Variants in P2RY14 observed in about 807,000 individuals in gnomAD.
The protein encoded by P2RY14 is purinergic receptor P2Y14.
P2RY14 carries 2 observed loss-of-function variants against 0.9 expected under a neutral mutation model. The ratio of observed to expected loss-of-function variants is 2.16; its 90% CI spans 0.88 to 6.79. The LOEUF (loss-of-function observed/expected upper bound fraction) is 6.79. P2RY14 is among the 30% of genes most tolerant of loss of function. The pLI is 0.05. For synonymous variants in P2RY14, 158 were observed against 147.2 expected (o/e 1.07, Z -0.53); for missense variants, 378 against 400.1 (o/e 0.94, Z 0.47).
At chr3:151,227,178 G>A (rs775198828) in intron 1 of P2RY14, among the ~76,000 whole-genome samples, 1 of 152,240 alleles carries the variant, frequency 6.6e-6, no homozygotes, top group Non-Finnish European at 1.5e-5. Context: ...GCTGAATGGT[G>A]TGGCCACATA....
intron 1 of P2RY14, among the ~76,000 whole-genome samples, chr3:151,250,944 G>A (rs1279246591): frequency 6.6e-6 from 1 of 152,174 alleles, no homozygotes; most frequent in East Asian, 1.9e-4. Flanking sequence ...CCATTTGTGT[G>A]TTGTGTTTGT....
At chr3:151,260,571 G>A (rs559104552) in intron 1 of P2RY14, among the ~76,000 whole-genome samples, 8 of 152,040 alleles carry the variant, frequency 5.3e-5, no homozygotes, top group East Asian at 3.9e-4. Context: ...GGTCGGTCTC[G>A]AACTTCTGAA....
At chr3:151,235,472 G>A (rs942274222) in intron 1 of P2RY14, among the ~76,000 whole-genome samples, 7 of 152,168 alleles carry the variant, frequency 4.6e-5, no homozygotes, top group African/African-American at 1.4e-4. Flanking sequence ...TTGGGAGGCT[G>A]AGGTGGGCAG....
intron 1 of P2RY14, among the ~76,000 whole-genome samples, chr3:151,252,249 T>G (rs1016334817): frequency 6.6e-6 from 1 of 152,204 alleles, no homozygotes; most frequent in Non-Finnish European, 1.5e-5. Context: ...CCTTCTGTAT[T>G]AAATACTGTG....
At chr3:151,256,517 C>T (rs1056157044) in intron 1 of P2RY14, among the ~76,000 whole-genome samples, 2 of 152,174 alleles carry the variant, frequency 1.3e-5, no homozygotes, top group African/African-American at 2.4e-5. Context: ...CATCTTTCTT[C>T]CCTCTTGTCA....
At chr3:151,252,427 G>A (rs566300513) in intron 1 of P2RY14, among the ~76,000 whole-genome samples, 1 of 151,962 alleles carries the variant, frequency 6.6e-6, no homozygotes, top group African/African-American at 2.4e-5. Flanking sequence ...ATTTTTAATT[G>A]TCTGCCAGTT....
intron 1 of P2RY14, among the ~76,000 whole-genome samples, chr3:151,276,418 T>G (rs2043947422): frequency 6.6e-6 from 1 of 152,244 alleles, no homozygotes; most frequent in African/African-American, 2.4e-5. Context: ...CTAGACAGCC[T>G]TCTGCAGGTG....
At chr3:151,262,424 T>C (rs891641198) in intron 1 of P2RY14, among the ~76,000 whole-genome samples, 1 of 152,200 alleles carries the variant, frequency 6.6e-6, no homozygotes, top group Admixed American at 6.5e-5. Flanking sequence ...GTGGTGAATG[T>C]AAACATGGTA....
At chr3:151,255,585 C>T (rs1393117739) in intron 1 of P2RY14, among the ~76,000 whole-genome samples, 1 of 152,094 alleles carries the variant, frequency 6.6e-6, no homozygotes, top group Non-Finnish European at 1.5e-5. Flanking sequence ...GCGATTTTTC[C>T]TGCAGCTTCC....
chr3:151,235,512 T>A (rs1408155630), intron 1 of P2RY14, among the ~76,000 whole-genome samples: 1 of 152,098 alleles, frequency 6.6e-6, no homozygotes, highest in East Asian at 1.9e-4. Flanking sequence ...GAGACCATCA[T>A]GGCTAACATG....
At chr3:151,254,659 G>A (rs1737488357) in intron 1 of P2RY14, among the ~76,000 whole-genome samples, 1 of 152,240 alleles carries the variant, frequency 6.6e-6, no homozygotes, top group Non-Finnish European at 1.5e-5. Flanking sequence ...TGAAGTCCAA[G>A]TGCATGTTTA....
At chr3:151,221,601 GGTGCAAGCCTCAAGC>G (rs1273181801) in intron 1 of P2RY14, among the ~76,000 whole-genome samples, 3 of 152,188 alleles carry the variant, frequency 2.0e-5, no homozygotes, top group Non-Finnish European at 4.4e-5. Flanking sequence ...GGCTTCAGAG[GGTGCAAGCCTCAAGC>G]CTTGGCAGCT....
At chr3:151,218,794 G>T (rs1337232486) in intron 2 of P2RY14, among the ~76,000 whole-genome samples, 1 of 146,302 alleles carries the variant, frequency 6.8e-6, no homozygotes, top group Non-Finnish European at 1.5e-5. Flanking sequence ...TTGAACCTGG[G>T]AGGCGGAGGT....
intron 1 of P2RY14, among the ~76,000 whole-genome samples, chr3:151,259,918 A>G (rs1738537556): frequency 6.6e-6 from 1 of 152,144 alleles, no homozygotes; most frequent in South Asian, 2.1e-4. Context: ...TAATCCTTGT[A>G]TTTTAATTCT....
At chr3:151,252,895 A>G (rs181328711) in intron 1 of P2RY14, among the ~76,000 whole-genome samples, 5 of 152,306 alleles carry the variant, frequency 3.3e-5, no homozygotes, top group African/African-American at 1.2e-4. Flanking sequence ...TTATTGATTT[A>G]AAGCAATGAC....
intron 2 of P2RY14, among the ~76,000 whole-genome samples, chr3:151,218,331 A>C (rs1728632762): frequency 6.6e-6 from 1 of 152,256 alleles, no homozygotes; most frequent in East Asian, 1.9e-4. Flanking sequence ...TAAAAGATGA[A>C]CAGGACTTCT....
intron 1 of P2RY14, among the ~76,000 whole-genome samples, chr3:151,255,913 C>T (rs1264814179): frequency 6.6e-6 from 1 of 152,146 alleles, no homozygotes; most frequent in Non-Finnish European, 1.5e-5. Flanking sequence ...ACTACCTGCA[C>T]TATTAAAGTT....
intron 1 of P2RY14, among the ~76,000 whole-genome samples, chr3:151,269,188 G>A (rs954492899): frequency 1.2e-4 from 18 of 152,162 alleles, no homozygotes; most frequent in African/African-American, 4.3e-4. Context: ...ATCACCTGAG[G>A]TCGGGAGTTC....
At chr3:151,229,250 G>GGTTCTTT (rs1256309961) in intron 1 of P2RY14, among the ~76,000 whole-genome samples, 1 of 151,612 alleles carries the variant, frequency 6.6e-6, no homozygotes, top group Non-Finnish European at 1.5e-5. Flanking sequence ...CCTGTTAGAG[G>GGTTCTTT]GTTCTTTGAT....
Sources: allele counts gnomAD v4.1 joint callset (sites outside exome capture counted in the v4.1 genomes callset), GRCh38; gene constraint gnomAD v4.1.1; transcripts MANE v1.5; gene names NCBI Gene and HGNC (gene_info 2026-07-23, HGNC 2026-07-21).